The following DPYD variants were observed in gnomAD, a reference collection of about 807,000 sequenced individuals.
The protein encoded by DPYD is dihydropyrimidine dehydrogenase.
DPYD carries 109 observed loss-of-function variants against 116.2 expected under a neutral mutation model. The ratio of observed to expected loss-of-function variants is 0.94; its 90% CI spans 0.80 to 1.10. The LOEUF (loss-of-function observed/expected upper bound fraction) is 1.10, where lower values mean the gene tolerates loss of function less well. DPYD is among the 50% of genes least tolerant of loss of function. The pLI is 0.00. For missense variants in DPYD, 1,302 were observed against 1,254.5 expected (o/e 1.04, Z -0.57); for synonymous variants, 440 against 432.0 (o/e 1.02, Z -0.23).
chr1:97,134,113 G>C (rs1013212035), intron 20 of DPYD, among the ~76,000 whole-genome samples: 1 of 139,926 alleles, frequency 7.1e-6, no homozygotes, highest in African/African-American at 2.7e-5. Flanking sequence ...AGTGTGAGCA[G>C]CAATAATAAG....
At chr1:97,323,239 TAC>T (rs1386914359) in intron 16 of DPYD, among the ~76,000 whole-genome samples, 5 of 149,036 alleles carry the variant, frequency 3.4e-5, no homozygotes, top group Admixed American at 6.8e-5. Flanking sequence ...TATATATGTA[TAC>T]ACATTTATAT....
chr1:97,782,033 T>C (rs1296530601), intron 3 of DPYD, among the ~76,000 whole-genome samples: 1 of 152,120 alleles, frequency 6.6e-6, no homozygotes, highest in Non-Finnish European at 1.5e-5. Context: ...CTTTGGTAAA[T>C]CTCTTAGACC....
At chr1:97,829,869 G>A (rs1300570760) in intron 2 of DPYD, among the ~76,000 whole-genome samples, 3 of 151,714 alleles carry the variant, frequency 2.0e-5, no homozygotes, top group African/African-American at 7.3e-5. Flanking sequence ...ATTTACATTA[G>A]GTATTTCTCC....
At chr1:97,124,169 T>A (rs1475264597) in intron 20 of DPYD, among the ~76,000 whole-genome samples, 1 of 138,214 alleles carries the variant, frequency 7.2e-6, no homozygotes, top group Non-Finnish European at 1.6e-5. Flanking sequence ...GAGGAAAATT[T>A]CCTAATGGAC....
Position 97,796,116 on chromosome 1 carries a change from C to G in DPYD, c.233+31998G>C, listed in dbSNP as rs17117181. Among the ~76,000 whole-genome samples the G allele has an allele frequency of 3.9e-5, 6 of 151,988 alleles. No homozygotes were observed. The East Asian group carries it at 9.7e-4, about 24-fold the overall frequency. On this transcript the variant is annotated intron_variant, in intron 3 of 22. Transcript: ENST00000370192. ...CTTAACCCCATTTTACAGATGTATC[C>G]CCATTTATATGACAATGATCATAAT...
chr1:97,482,709 T>C (rs1263579401), intron 13 of DPYD, among the ~76,000 whole-genome samples: 4 of 152,188 alleles, frequency 2.6e-5, no homozygotes, highest in Non-Finnish European at 5.9e-5. Context: ...GTGTTGATTG[T>C]GGATACTGAG....
intron 4 of DPYD, among the ~76,000 whole-genome samples, chr1:97,722,948 C>T (rs917226073): frequency 6.6e-6 from 1 of 151,356 alleles, no homozygotes; most frequent in African/African-American, 2.4e-5. Flanking sequence ...AATAAGCAAA[C>T]TCCTAGGTAA....
chr1:97,834,776 T>C (rs1253169027), intron 2 of DPYD, among the ~76,000 whole-genome samples: 1 of 150,820 alleles, frequency 6.6e-6, no homozygotes, highest in Non-Finnish European at 1.5e-5. Context: ...AAAAAAAAAA[T>C]GAGTCAATTA....
At chr1:97,644,975 T>A (rs914306327) in intron 8 of DPYD, among the ~76,000 whole-genome samples, 2 of 152,126 alleles carry the variant, frequency 1.3e-5, no homozygotes, top group Non-Finnish European at 2.9e-5. Context: ...TTATAATATA[T>A]ATGGTTTTAC....
intron 3 of DPYD, among the ~76,000 whole-genome samples, chr1:97,751,417 T>A (rs1664877199): frequency 7.5e-6 from 1 of 133,296 alleles, no homozygotes; most frequent in African/African-American, 2.8e-5. Context: ...TACGTGTATA[T>A]ATATATGTAT....
chr1:97,634,878 G>A (rs542329454), intron 8 of DPYD, among the ~76,000 whole-genome samples: 7 of 151,062 alleles, frequency 4.6e-5, no homozygotes, highest in Admixed American at 3.3e-4. Context: ...AGCCCCTCAG[G>A]ACCAAATCTA....
At chr1:97,342,695 T>C (rs1244758063) in intron 16 of DPYD, among the ~76,000 whole-genome samples, 2 of 152,186 alleles carry the variant, frequency 1.3e-5, no homozygotes, top group Non-Finnish European at 2.9e-5. Context: ...AGTTTAGCAC[T>C]GATGAATGTT....
At chr1:97,483,714 G>A (rs1301053470) in intron 13 of DPYD, among the ~76,000 whole-genome samples, 6 of 152,216 alleles carry the variant, frequency 3.9e-5, no homozygotes, top group South Asian at 4.1e-4. Context: ...CTCCTTACCC[G>A]TGAATGGGAT....
intron 18 of DPYD, among the ~76,000 whole-genome samples, chr1:97,266,640 A>G (rs894701835): frequency 3.9e-5 from 6 of 152,048 alleles, no homozygotes; most frequent in African/African-American, 1.4e-4. Flanking sequence ...TTAACTCGTC[A>G]TTTACATTAA....
chr1:97,180,159 C>T (rs1410379466), intron 20 of DPYD, among the ~76,000 whole-genome samples: 1 of 151,796 alleles, frequency 6.6e-6, no homozygotes, highest in Non-Finnish European at 1.5e-5. Flanking sequence ...TTATTCCAAA[C>T]AGCAGACATT....
At chr1:97,599,913 G>C (rs934969360) in intron 8 of DPYD, among the ~76,000 whole-genome samples, 1 of 143,050 alleles carries the variant, frequency 7.0e-6, no homozygotes, top group African/African-American at 2.6e-5. Context: ...GGGCGTGCTG[G>C]CTCATGCCTG....
At chr1:97,620,345 A>C (rs1472860992) in intron 8 of DPYD, among the ~76,000 whole-genome samples, 1 of 152,142 alleles carries the variant, frequency 6.6e-6, no homozygotes, top group East Asian at 1.9e-4. Context: ...CTCCCTCCTA[A>C]GTGGGACTAT....
chr1:97,246,932 C>T (rs950296687), intron 18 of DPYD, among the ~76,000 whole-genome samples: 12 of 152,020 alleles, frequency 7.9e-5, no homozygotes, highest in Non-Finnish European at 1.6e-4. Context: ...AAATATTTCT[C>T]AGGGGACACT....
chr1:97,111,464 C>T (rs1406312145), intron 20 of DPYD, among the ~76,000 whole-genome samples: 1 of 151,806 alleles, frequency 6.6e-6, no homozygotes, highest in Non-Finnish European at 1.5e-5. Flanking sequence ...GATCATATGA[C>T]CTTAGGGCCT....
Sources: allele counts gnomAD v4.1 joint callset (sites outside exome capture counted in the v4.1 genomes callset), GRCh38; gene constraint gnomAD v4.1.1; transcripts MANE v1.5; gene names NCBI Gene and HGNC (gene_info 2026-07-23, HGNC 2026-07-21).